PELI2: variants seen among roughly 807,000 people sequenced by gnomAD.
PELI2 encodes the protein E3 ubiquitin-protein ligase pellino homolog 2.
Under a neutral mutation model 42.3 loss-of-function variants are expected in PELI2, and 23 were observed. The ratio of observed to expected loss-of-function variants is 0.54; its 90% CI spans 0.39 to 0.77. The LOEUF is 0.77. Ranked by LOEUF, PELI2 falls within the 30% of genes least tolerant of loss-of-function variation. The probability of loss-of-function intolerance (pLI) is 0.00; values close to 1 mark genes in which losing one functional copy is unlikely to be tolerated. For synonymous variants in PELI2, 245 were observed against 212.2 expected, an observed-to-expected ratio of 1.15 and a Z score of -1.34; for missense variants, 463 against 553.2, an observed-to-expected ratio of 0.84 and a Z score of 1.64.
chr14:56,178,290 T>G (rs1430994031), intron 1 of PELI2, 45 bp from the exon 2 acceptor site: 4 of 1,605,300 alleles, frequency 2.5e-6, no homozygotes, highest in African/African-American at 1.3e-5. Flanking sequence ...TGTTTAAAGC[T>G]TGAAAAATCT....
intron 2 of PELI2, among the ~76,000 whole-genome samples, chr14:56,245,105 G>A (rs1356923942): frequency 6.6e-6 from 1 of 152,126 alleles, no homozygotes; most frequent in African/African-American, 2.4e-5. Context: ...GCATCTCCCA[G>A]ACTTAAAGGA....
At chr14:56,229,694 C>A (rs1338443449) in intron 2 of PELI2, among the ~76,000 whole-genome samples, 1 of 152,174 alleles carries the variant, frequency 6.6e-6, no homozygotes, top group African/African-American at 2.4e-5. Flanking sequence ...CTCTTCTCCC[C>A]CAAAGGAATG....
At chr14:56,133,505 T>C (rs1883571034) in intron 1 of PELI2, among the ~76,000 whole-genome samples, 1 of 152,222 alleles carries the variant, frequency 6.6e-6, no homozygotes, top group Admixed American at 6.5e-5. Flanking sequence ...ATTAGGTACT[T>C]AGAGGAAAGG....
At chr14:56,146,793 T>C (rs560551222) in intron 1 of PELI2, among the ~76,000 whole-genome samples, 4 of 152,312 alleles carry the variant, frequency 2.6e-5, no homozygotes, top group Admixed American at 2.0e-4. Flanking sequence ...TCTTTTTTTT[T>C]TTCTTCTTTA....
intron 2 of PELI2, among the ~76,000 whole-genome samples, chr14:56,259,072 G>A (rs182296011): frequency 2.6e-5 from 4 of 151,970 alleles, no homozygotes; most frequent in Non-Finnish European, 5.9e-5. Context: ...TAAAGGGGAC[G>A]GACAGAAGTA....
At chr14:56,290,544 A>G in intron 5 of PELI2, 88 bp downstream of exon 5, 1 of 1,005,426 alleles carries the variant, frequency 9.9e-7, no homozygotes, top group East Asian at 2.5e-5. Context: ...GATGTTCAGA[A>G]CCTTTGTGCA....
chr14:56,243,273 G>T (rs1479078654), intron 2 of PELI2, among the ~76,000 whole-genome samples: 1 of 152,212 alleles, frequency 6.6e-6, no homozygotes, highest in Non-Finnish European at 1.5e-5. Flanking sequence ...ACTTGGGAGT[G>T]TGTCTTTTGA....
At chr14:56,218,089 A>G (rs1886977718) in intron 2 of PELI2, among the ~76,000 whole-genome samples, 1 of 152,198 alleles carries the variant, frequency 6.6e-6, no homozygotes. Context: ...TGTAGCTAAT[A>G]CGTGATAAAG....
At chr14:56,146,642 G>A (rs918052356) in intron 1 of PELI2, among the ~76,000 whole-genome samples, 3 of 152,178 alleles carry the variant, frequency 2.0e-5, no homozygotes, top group African/African-American at 7.2e-5. Flanking sequence ...GGAGGAATGG[G>A]TGGTTCTGTA....
intron 2 of PELI2, among the ~76,000 whole-genome samples, chr14:56,259,357 T>G (rs900508542): frequency 6.6e-6 from 1 of 152,110 alleles, no homozygotes. Flanking sequence ...TAAAAGAATA[T>G]TGACTTTTAA....
chr14:56,237,043 A>G (rs751773897), intron 2 of PELI2, among the ~76,000 whole-genome samples: 1 of 152,144 alleles, frequency 6.6e-6, no homozygotes, highest in Non-Finnish European at 1.5e-5. Flanking sequence ...GACTGTGAAA[A>G]TCAAAGGAAA....
intron 1 of PELI2, among the ~76,000 whole-genome samples, chr14:56,173,783 C>T (rs1325463075): frequency 6.6e-6 from 1 of 152,180 alleles, no homozygotes. Flanking sequence ...AATCACTTGC[C>T]ATTGGATTTA....
chr14:56,206,065 A>C (rs1166264260), intron 2 of PELI2, among the ~76,000 whole-genome samples: 1 of 152,168 alleles, frequency 6.6e-6, no homozygotes, highest in African/African-American at 2.4e-5. Flanking sequence ...AACTATTCAG[A>C]AGTTCACTGT....
intron 1 of PELI2, chr14:56,144,985 A>G (rs1208610827): frequency 1.0e-6 from 1 of 983,834 alleles, no homozygotes; most frequent in African/African-American, 1.7e-5. Flanking sequence ...GGAAGGGGTT[A>G]GAAAAAGACC....
Position 56,191,368 on chromosome 14 carries a change from A to C in PELI2, c.207+12904A>C, listed in dbSNP as rs960028696. 2.6e-5 allele frequency among the ~76,000 whole-genome samples: 4 copies of C among 152,198 alleles called. No homozygotes were observed. The East Asian group carries it at 7.7e-4, about 29-fold the overall frequency. On this transcript the variant is annotated intron_variant, in intron 2 of 5. Transcript: ENST00000267460. ...AAATTGGTTGAAATATTTTCTTCTC[A>C]TTTGTGAAAGTTCATCTTTACCTAA...
intron 5 of PELI2, among the ~76,000 whole-genome samples, chr14:56,293,889 C>T (rs1168632965): frequency 1.3e-5 from 2 of 152,194 alleles, no homozygotes; most frequent in Non-Finnish European, 2.9e-5. Flanking sequence ...AGAGGCTAGG[C>T]CACCACCATA....
intron 3 of PELI2, among the ~76,000 whole-genome samples, chr14:56,284,244 A>G (rs892206390): frequency 3.3e-5 from 5 of 152,268 alleles, no homozygotes; most frequent in African/African-American, 7.2e-5. Flanking sequence ...TAATATAATC[A>G]GAGTAAGATC....
intron 2 of PELI2, among the ~76,000 whole-genome samples, chr14:56,200,586 C>T (rs1228073122): frequency 6.6e-6 from 1 of 152,172 alleles, no homozygotes; most frequent in African/African-American, 2.4e-5. Flanking sequence ...GTAAAATAAT[C>T]AATATAACCA....
chr14:56,118,889 G>C (rs1185801769), intron 1 of PELI2, 152 bp downstream of exon 1: 2 of 445,436 alleles, frequency 4.5e-6, no homozygotes, highest in Non-Finnish European at 7.4e-6. Flanking sequence ...ACGGCGGCGC[G>C]GGGGCGGGAT....
Sources: gnomAD v4.1 joint callset for allele counts (sites outside exome capture counted in the v4.1 genomes callset) on GRCh38, gnomAD v4.1.1 for gene constraint, MANE v1.5 for transcripts, NCBI Gene and HGNC (gene_info 2026-07-23, HGNC 2026-07-21) for gene names.